The following WWOX variants were observed in gnomAD, a reference collection of about 807,000 sequenced individuals.
WWOX encodes the protein WW domain-containing oxidoreductase.
Under a neutral mutation model 46.2 loss-of-function variants are expected in WWOX, and 69 were observed. The observed-to-expected ratio is 1.49, with a 90% CI of 1.23 to 1.82. WWOX has a LOEUF of 1.82. WWOX is among the 40% of genes most tolerant of loss of function. The pLI is 0.00. For synonymous variants in WWOX, 359 were observed against 202.6 expected (o/e 1.77, Z -6.56); for missense variants, 919 against 542.6 (o/e 1.69, Z -6.89).
intron 8 of WWOX, among the ~76,000 whole-genome samples, chr16:78,804,781 G>T (rs1280239145): frequency 2.0e-5 from 3 of 152,180 alleles, no homozygotes; most frequent in African/African-American, 7.2e-5. Flanking sequence ...CAGGTGTGCA[G>T]AGAAAATTCA....
At chr16:78,549,602 G>A (rs777547522) in intron 8 of WWOX, among the ~76,000 whole-genome samples, 15 of 152,242 alleles carry the variant, frequency 9.9e-5, no homozygotes, top group Non-Finnish European at 2.1e-4. Flanking sequence ...CCATTTGATC[G>A]AAGAGCTCTT....
chr16:78,467,585 C>T (rs913837765), intron 8 of WWOX, among the ~76,000 whole-genome samples: 4 of 152,104 alleles, frequency 2.6e-5, no homozygotes, highest in Non-Finnish European at 5.9e-5. Context: ...ACTTTGAAAA[C>T]TCGGGGATAA....
chr16:78,688,801 C>T (rs1597447579), intron 8 of WWOX, among the ~76,000 whole-genome samples: 2 of 152,142 alleles, frequency 1.3e-5, no homozygotes, highest in East Asian at 3.9e-4. Context: ...ATAATCCCCA[C>T]GTGTCATGGG....
chr16:78,868,784 G>T (rs8051859), intron 8 of WWOX, among the ~76,000 whole-genome samples: 19 of 152,110 alleles, frequency 1.2e-4, no homozygotes, highest in Admixed American at 7.2e-4. Context: ...CTAACCCTCA[G>T]ATAATGACCA....
chr16:78,492,533 G>A (rs2084809131), intron 8 of WWOX, among the ~76,000 whole-genome samples: 2 of 152,154 alleles, frequency 1.3e-5, no homozygotes, highest in Admixed American at 6.5e-5. Context: ...ATAACAGCGA[G>A]CAGGAGACAG....
chr16:78,432,042 G>A (rs2083231238), intron 7 of WWOX, among the ~76,000 whole-genome samples: 1 of 151,838 alleles, frequency 6.6e-6, no homozygotes, highest in Non-Finnish European at 1.5e-5. Context: ...AATCACCATT[G>A]TCAATCTTGA....
At chr16:78,862,215 G>A (rs762095895) in intron 8 of WWOX, among the ~76,000 whole-genome samples, 1 of 138,654 alleles carries the variant, frequency 7.2e-6, no homozygotes, top group African/African-American at 2.5e-5. Flanking sequence ...CACACCTATG[G>A]GTGTGTCTGT....
Position 78,432,876 on chromosome 16 carries a change from A to G in WWOX, c.1056+124A>G. 4.2e-6 allele frequency: 6 copies of G among 1,427,284 alleles called. No homozygotes were observed. In the Admixed American group the frequency reaches 5.1e-5, roughly 12 times the overall value. The allele number at this position is 1,427,284 out of a possible 1,614,324, so 88.4% of individuals were successfully genotyped here. ...TCTCAGTAATAACATTGTCCAGCCCATCATAAAGGGCTCTTGAACACATTT... is the reference window on the plus strand; with the variant it reads ...TCTCAGTAATAACATTGTCCAGCCCGTCATAAAGGGCTCTTGAACACATTT... On this transcript the variant is annotated intron_variant, in intron 8 of 8. Coordinates refer to ENST00000566780, the MANE Select transcript of WWOX (RefSeq NM_016373.4).
Position 78,133,192 on chromosome 16 carries a change from T to A in WWOX, c.409+18038T>A, listed in dbSNP as rs989572653. 2.6e-5 allele frequency among the ~76,000 whole-genome samples: 4 copies of A among 152,350 alleles called. No individual in the cohort carries two copies. The Middle Eastern group carries it at 0.01, about 389-fold the overall frequency. On this transcript the variant is annotated intron_variant, in intron 4 of 8. Transcript: ENST00000566780. The stretch of plus-strand genomic sequence containing the variant: ...TAATCATATTTAACTTTTCAAAGGA[T>A]GCTTTTTAAAAAACCTTATCCGCGT...
intron 8 of WWOX, among the ~76,000 whole-genome samples, chr16:79,009,537 G>A (rs1472859022): frequency 7.9e-5 from 12 of 151,818 alleles, no homozygotes; most frequent in East Asian, 1.9e-4. Context: ...GTGCGATCTC[G>A]GCTCACAGTA....
At chr16:78,833,181 A>G (rs551055457) in intron 8 of WWOX, among the ~76,000 whole-genome samples, 2 of 152,084 alleles carry the variant, frequency 1.3e-5, no homozygotes, top group African/African-American at 2.4e-5. Flanking sequence ...ATCTGGGACT[A>G]CAAGCATGCA....
chr16:78,993,108 T>C (rs1220664251), intron 8 of WWOX, among the ~76,000 whole-genome samples: 2 of 152,056 alleles, frequency 1.3e-5, no homozygotes, highest in East Asian at 3.9e-4. Flanking sequence ...TTTGTGGAAA[T>C]GTGATGTGTG....
intron 8 of WWOX, among the ~76,000 whole-genome samples, chr16:78,575,646 T>C (rs1597292208): frequency 6.6e-6 from 1 of 152,164 alleles, no homozygotes. Flanking sequence ...TTAGAGACCA[T>C]GATACAGTTT....
intron 8 of WWOX, among the ~76,000 whole-genome samples, chr16:78,702,272 T>G (rs2048241675): frequency 6.7e-6 from 1 of 150,232 alleles, no homozygotes; most frequent in African/African-American, 2.4e-5. Context: ...AGAGTGAGAC[T>G]TTGTCTCAAA....
chr16:78,731,760 A>T (rs2048974238), intron 8 of WWOX, among the ~76,000 whole-genome samples: 1 of 152,048 alleles, frequency 6.6e-6, no homozygotes, highest in East Asian at 1.9e-4. Context: ...GTTCCCTGTC[A>T]TGAATCCACT....
chr16:78,778,878 C>T (rs1039633982), intron 8 of WWOX, among the ~76,000 whole-genome samples: 4 of 152,176 alleles, frequency 2.6e-5, no homozygotes, highest in Admixed American at 1.3e-4. Context: ...ATTGACCCAG[C>T]AGTGTTCATT....
intron 5 of WWOX, among the ~76,000 whole-genome samples, chr16:78,189,207 G>A (rs1039760922): frequency 1.4e-4 from 21 of 152,192 alleles, no homozygotes; most frequent in African/African-American, 4.6e-4. Context: ...CAGAGGTGGC[G>A]TGGGCATGGG....
At position 78,372,401 on chromosome 16, in the gene WWOX, A is replaced by G. The variant is rs1483692674; in HGVS notation, c.517-14459A>G. ...CTATATAATAGAAGGTGGAGTAGAG[A>G]CAGAATATCAGTAGCAAAATCTCCA... is the stretch of plus-strand genomic sequence containing the variant. On this transcript the variant is annotated intron_variant, in intron 5 of 8. Transcript: ENST00000566780. Among the ~76,000 whole-genome samples, 4 of 152,300 alleles carry G rather than the reference A, an allele frequency of 2.6e-5. No homozygotes were observed. The East Asian group carries it at 7.7e-4, about 29-fold the overall frequency.
At chr16:78,121,836 T>C (rs1301448443) in intron 4 of WWOX, among the ~76,000 whole-genome samples, 15 of 151,976 alleles carry the variant, frequency 9.9e-5, no homozygotes, top group Admixed American at 9.8e-4. Context: ...TAATTTTATG[T>C]TTTTAGTAGA....
Sources: gnomAD v4.1 joint callset for allele counts (sites outside exome capture counted in the v4.1 genomes callset) on GRCh38, gnomAD v4.1.1 for gene constraint, MANE v1.5 for transcripts, NCBI Gene and HGNC (gene_info 2026-07-23, HGNC 2026-07-21) for gene names.